The following CFAP299 variants were observed in gnomAD, a reference collection of about 807,000 sequenced individuals.
CFAP299 encodes the protein cilia and flagella associated protein 299.
CFAP299 carries 21 observed loss-of-function variants against 27.0 expected under a neutral mutation model. The observed-to-expected ratio is 0.78, with a 90% CI of 0.55 to 1.12. The LOEUF is 1.12. Among genes scored for constraint, CFAP299 ranks in the 50% most tolerant of loss-of-function variants. CFAP299 has a pLI of 0.00. For synonymous variants in CFAP299, 104 were observed against 98.1 expected (o/e 1.06, Z -0.36); for missense variants, 310 against 276.6 (o/e 1.12, Z -0.86).
chr4:80,626,554 A>G (rs1193127518), intron 3 of CFAP299, among the ~76,000 whole-genome samples: 1 of 151,838 alleles, frequency 6.6e-6, no homozygotes, highest in African/African-American at 2.4e-5. Flanking sequence ...ATAAAATAAT[A>G]GAGCCTGGAA....
intron 2 of CFAP299, among the ~76,000 whole-genome samples, chr4:80,494,075 T>C (rs933726112): frequency 3.3e-5 from 5 of 152,154 alleles, no homozygotes; most frequent in African/African-American, 1.2e-4. Context: ...GCGCCTGGCC[T>C]CTATCTCATA....
chr4:80,943,846 A>C (rs887795494), intron 4 of CFAP299, among the ~76,000 whole-genome samples: 16 of 152,114 alleles, frequency 1.1e-4, no homozygotes, highest in Admixed American at 9.2e-4. Context: ...AGGTGGGCAG[A>C]TCACGAGGTC....
chr4:80,890,306 A>T (rs1171135658), intron 4 of CFAP299, among the ~76,000 whole-genome samples: 1 of 152,166 alleles, frequency 6.6e-6, no homozygotes, highest in Non-Finnish European at 1.5e-5. Flanking sequence ...CAACATATAA[A>T]AATCAGGAGC....
intron 2 of CFAP299, among the ~76,000 whole-genome samples, chr4:80,414,240 T>A (rs1317369745): frequency 6.6e-6 from 1 of 151,142 alleles, no homozygotes; most frequent in Non-Finnish European, 1.5e-5. Flanking sequence ...CCGGCTAATT[T>A]TTTGTATTTT....
intron 3 of CFAP299, among the ~76,000 whole-genome samples, chr4:80,862,820 T>G (rs1732467091): frequency 1.3e-5 from 2 of 152,138 alleles, no homozygotes; most frequent in Admixed American, 6.5e-5. Flanking sequence ...TATGTAAAAC[T>G]GCGATTGACT....
chr4:80,832,174 A>G (rs1050463877), intron 3 of CFAP299, among the ~76,000 whole-genome samples: 1 of 152,072 alleles, frequency 6.6e-6, no homozygotes, highest in Non-Finnish European at 1.5e-5. Context: ...TCAAGTGTCT[A>G]TTAGTTAGGT....
intron 3 of CFAP299, among the ~76,000 whole-genome samples, chr4:80,669,008 GTTC>G (rs1741291899): frequency 6.6e-6 from 1 of 151,450 alleles, no homozygotes; most frequent in African/African-American, 2.4e-5. Context: ...GTGTTTTGTA[GTTC>G]TTCTTGTATG....
chr4:80,687,840 G>A (rs868577597), intron 3 of CFAP299, among the ~76,000 whole-genome samples: 29 of 152,328 alleles, frequency 1.9e-4, no homozygotes, highest in Middle Eastern at 6.8e-3. Context: ...CGCACCGTGC[G>A]CAAGCCGAAG....
At chr4:80,694,452 T>C (rs1404595614) in intron 3 of CFAP299, among the ~76,000 whole-genome samples, 1 of 152,214 alleles carries the variant, frequency 6.6e-6, no homozygotes, top group East Asian at 1.9e-4. Flanking sequence ...ATCTATATTA[T>C]GCTCTCAACT....
intron 3 of CFAP299, among the ~76,000 whole-genome samples, chr4:80,743,167 G>A (rs1189292598): frequency 6.6e-6 from 1 of 151,986 alleles, no homozygotes; most frequent in African/African-American, 2.4e-5. Context: ...AGGCCAAGGT[G>A]GGTGGACCAC....
intron 4 of CFAP299, among the ~76,000 whole-genome samples, chr4:80,899,655 A>T (rs1734787131): frequency 6.6e-6 from 1 of 152,206 alleles, no homozygotes; most frequent in Admixed American, 6.5e-5. Context: ...TAGGGAATAA[A>T]AGAGAATGTA....
intron 3 of CFAP299, among the ~76,000 whole-genome samples, chr4:80,729,762 G>T (rs1723392668): frequency 6.6e-6 from 1 of 151,660 alleles, no homozygotes; most frequent in African/African-American, 2.4e-5. Context: ...ACCACACCTG[G>T]CTAATTTTTT....
At chr4:80,501,921 C>T (rs754160880) in intron 2 of CFAP299, among the ~76,000 whole-genome samples, 2 of 151,880 alleles carry the variant, frequency 1.3e-5, no homozygotes, top group Non-Finnish European at 2.9e-5. Context: ...TCAATTCTAC[C>T]CAACTGCCCA....
chr4:80,838,536 TG>T (rs1730688640), intron 3 of CFAP299, among the ~76,000 whole-genome samples: 1 of 152,156 alleles, frequency 6.6e-6, no homozygotes, highest in Non-Finnish European at 1.5e-5. Flanking sequence ...CCCCATTGCT[TG>T]CTTTTTGTCA....
chr4:80,408,374 T>C (rs1455721214), intron 2 of CFAP299, among the ~76,000 whole-genome samples: 1 of 152,210 alleles, frequency 6.6e-6, no homozygotes, highest in Non-Finnish European at 1.5e-5. Flanking sequence ...ATATGTTGAA[T>C]TGAAGATTTC....
intron 3 of CFAP299, among the ~76,000 whole-genome samples, chr4:80,800,884 G>A (rs920991579): frequency 6.7e-6 from 1 of 149,282 alleles, no homozygotes; most frequent in African/African-American, 2.5e-5. Flanking sequence ...AGGAGAACCA[G>A]TCTGAGTCCC....
chr4:80,949,014 A>G (rs892085892), intron 5 of CFAP299, among the ~76,000 whole-genome samples: 50 of 152,310 alleles, frequency 3.3e-4, no homozygotes, highest in African/African-American at 1.1e-3. Flanking sequence ...ACTATGCAGA[A>G]ATCTTTATTT....
chr4:80,633,270 A>C (rs1273953750), intron 3 of CFAP299, among the ~76,000 whole-genome samples: 1 of 152,102 alleles, frequency 6.6e-6, no homozygotes, highest in East Asian at 1.9e-4. Context: ...AGCATGGTGA[A>C]ACCCCGTCTC....
chr4:80,556,056 A>G (rs187756154), intron 2 of CFAP299, among the ~76,000 whole-genome samples: 3 of 152,218 alleles, frequency 2.0e-5, no homozygotes, highest in Non-Finnish European at 4.4e-5. Context: ...TCAAACAACA[A>G]AAGCCATACA....
Sources: gnomAD v4.1 joint callset for allele counts (sites outside exome capture counted in the v4.1 genomes callset) on GRCh38, gnomAD v4.1.1 for gene constraint, MANE v1.5 for transcripts, NCBI Gene and HGNC (gene_info 2026-07-23, HGNC 2026-07-21) for gene names.